PIK3CA: variants seen among roughly 807,000 people sequenced by gnomAD.
PIK3CA encodes the protein phosphatidylinositol-4,5-bisphosphate 3-kinase catalytic subunit alpha.
PIK3CA carries 27 observed loss-of-function variants against 138.2 expected under a neutral mutation model. The ratio of observed to expected loss-of-function variants is 0.20; its 90% confidence interval spans 0.14 to 0.27. The LOEUF (loss-of-function observed/expected upper bound fraction) is 0.27, where lower values mean the gene tolerates loss of function less well. PIK3CA is among the 10% of genes least tolerant of loss of function. The pLI is 1.00. For missense variants in PIK3CA, 544 were observed against 1,277.4 expected, an observed-to-expected ratio of 0.43 and a Z score of 8.75; for synonymous variants, 358 against 413.2, an observed-to-expected ratio of 0.87 and a Z score of 1.62.
intron 1 of PIK3CA, among the ~76,000 whole-genome samples, chr3:179,172,621 T>C (rs554842691): frequency 8.5e-5 from 13 of 152,152 alleles, no homozygotes; most frequent in Admixed American, 4.6e-4. Context: ...AAAAACCATT[T>C]ACAGTAGTAT....
At chr3:179,153,336 A>G (rs1486963762) in intron 1 of PIK3CA, among the ~76,000 whole-genome samples, 3 of 152,200 alleles carry the variant, frequency 2.0e-5, no homozygotes, top group Non-Finnish European at 4.4e-5. Context: ...CTTACACAGA[A>G]TGTAATACAG....
chr3:179,219,789 A>G lies in PIK3CA; in HGVS notation c.1911+54A>G. 1.3e-5 allele frequency: 18 copies of G among 1,421,346 alleles called. No individual in the cohort carries two copies. Among genetic ancestry groups the G allele is most frequent in the Non-Finnish European group, 1.7e-5 (18 of 1,038,254 alleles). The allele number at this position is 1,421,346 out of a possible 1,614,324, so 88.0% of individuals were successfully genotyped here. The stretch of plus-strand genomic sequence containing the variant: ...TTTAATTACAATAATAATTTATTCT[A>G]GATCCATACAACTTCCTTTTAAAAA... On this transcript the variant is annotated intron_variant, in intron 12 of 20. Transcript: ENST00000263967. The surrounding 1 kb of genome is among the most constrained non-coding windows in gnomAD (Gnocchi z 4.2).
At chr3:179,178,915 T>C (rs1371287758) in intron 1 of PIK3CA, among the ~76,000 whole-genome samples, 1 of 152,226 alleles carries the variant, frequency 6.6e-6, no homozygotes, top group East Asian at 1.9e-4. Context: ...CCAGGGCTTT[T>C]ACCGGGGTCT....
chr3:179,203,889 G>A (rs1724488454), intron 5 of PIK3CA, 100 bp downstream of exon 5: 1 of 812,708 alleles, frequency 1.2e-6, no homozygotes, highest in East Asian at 2.6e-5. Context: ...TATGTTTTCA[G>A]ATGGTTAGGA....
chr3:179,215,914 T>C (rs1242220385), intron 9 of PIK3CA, among the ~76,000 whole-genome samples: 2 of 152,114 alleles, frequency 1.3e-5, no homozygotes, highest in African/African-American at 4.8e-5. Context: ...GCCAAATAAT[T>C]CTTTGTTGTA....
intron 1 of PIK3CA, among the ~76,000 whole-genome samples, chr3:179,166,595 A>G (rs1233756258): frequency 2.0e-5 from 3 of 152,324 alleles, no homozygotes; most frequent in East Asian, 3.8e-4. Context: ...TTTCTCTTGC[A>G]GAAAGCATGT....
intron 1 of PIK3CA, among the ~76,000 whole-genome samples, chr3:179,159,890 C>T (rs1453601578): frequency 1.3e-5 from 2 of 152,036 alleles, no homozygotes; most frequent in Non-Finnish European, 2.9e-5. Context: ...GAAAATGTAA[C>T]ACAGTGGTAT....
In PIK3CA at chr3:179,236,341, G is replaced by A. The variant is rs1725333154; in HGVS notation, c.*1977G>A. 1 of 210,108 alleles carries A rather than the reference G, an allele frequency of 4.8e-6. No homozygotes were observed. The highest frequency in any genetic ancestry group is 9.7e-6 in the Non-Finnish European group (1 of 103,616). The allele number at this position is 210,108 out of a possible 1,614,324, so 13.0% of individuals were successfully genotyped here. A position where few individuals can be genotyped will look rare whatever the true frequency, so the allele number is the denominator to read the frequency against. On this transcript the variant is annotated 3_prime_UTR_variant, in exon 21 of 21. Transcript: ENST00000263967. ...CAGAATTTAAACTCTGTTTTAAGCA[G>A]GAAACCAGAAAGATTATTTTGCAGT... is the stretch of plus-strand genomic sequence containing the variant.
chr3:179,184,461 C>T (rs1230058121), intron 1 of PIK3CA, among the ~76,000 whole-genome samples: 4 of 152,182 alleles, frequency 2.6e-5, no homozygotes, highest in Non-Finnish European at 5.9e-5. Flanking sequence ...CATGATGAAG[C>T]TTTATCATTA....
intron 1 of PIK3CA, among the ~76,000 whole-genome samples, chr3:179,179,356 C>A (rs11716811): frequency 0.039 from 5,909 of 152,294 alleles, 168 homozygotes; most frequent in Middle Eastern, 0.071. Context: ...TTGCACTCTT[C>A]TCATTCTGTA....
chr3:179,170,076 G>GTGCA, intron 1 of PIK3CA, among the ~76,000 whole-genome samples: 1 of 139,292 alleles, frequency 7.2e-6, no homozygotes, highest in African/African-American at 3.0e-5. Context: ...ACGCGCGCGC[G>GTGCA]CACACACACA....
chr3:179,184,093 T>C (rs1273469233), intron 1 of PIK3CA, among the ~76,000 whole-genome samples: 3 of 152,298 alleles, frequency 2.0e-5, no homozygotes, highest in South Asian at 2.1e-4. Flanking sequence ...CTGTGCAAAA[T>C]TGATAGACAC....
At chr3:179,196,552 T>C (rs989635219) in intron 1 of PIK3CA, among the ~76,000 whole-genome samples, 3 of 152,240 alleles carry the variant, frequency 2.0e-5, no homozygotes, top group African/African-American at 7.2e-5. Flanking sequence ...AAAAATAGTT[T>C]CAACTATCAA....
rs200472352 is a variant in PIK3CA, at chr3:179,229,224, A to G, written c.2496-48A>G. 37 of 1,459,996 alleles carry G rather than the reference A, an allele frequency of 2.5e-5. No individual in the cohort carries two copies. In the African/African-American group the frequency reaches 2.8e-4, roughly 11 times the overall value. The allele number at this position is 1,459,996 out of a possible 1,614,324, so 90.4% of individuals were successfully genotyped here. Reference sequence around the variant, plus strand: ...GTTTTAGCCTGTTAAAACATTTGCTATTTTAAAATTCCATCATTTAATTGT... The same window carrying G: ...GTTTTAGCCTGTTAAAACATTTGCTGTTTTAAAATTCCATCATTTAATTGT... On this transcript the variant is annotated intron_variant, in intron 17 of 20. Coordinates refer to ENST00000263967, the MANE Select transcript of PIK3CA (RefSeq NM_006218.4).
intron 2 of PIK3CA, 25 bp from the exon 3 acceptor site, chr3:179,199,665 T>C (rs200921565): frequency 3.3e-5 from 50 of 1,498,038 alleles, no homozygotes; most frequent in Middle Eastern, 1.7e-4. Flanking sequence ...TAGAATGTTA[T>C]ATTCTTTATG....
intron 1 of PIK3CA, among the ~76,000 whole-genome samples, chr3:179,159,069 A>T (rs1447992243): frequency 1.3e-5 from 2 of 151,776 alleles, no homozygotes; most frequent in Non-Finnish European, 2.9e-5. Flanking sequence ...AAAAAACTAC[A>T]TATGTTGTTG....
intron 17 of PIK3CA, among the ~76,000 whole-genome samples, chr3:179,227,865 T>C (rs1238250526): frequency 2.6e-5 from 4 of 152,082 alleles, no homozygotes; most frequent in Admixed American, 2.0e-4. Context: ...TCTATGTGAA[T>C]AAATGAGAGG....
intron 1 of PIK3CA, among the ~76,000 whole-genome samples, chr3:179,175,201 A>AT (rs1307866777): frequency 6.6e-6 from 1 of 152,082 alleles, no homozygotes; most frequent in Non-Finnish European, 1.5e-5. Context: ...CTGGGAGGTA[A>AT]TTTTTTTGAG....
chr3:179,204,347 C>T (rs1193617434), intron 5 of PIK3CA, among the ~76,000 whole-genome samples, 156 bp from the exon 6 acceptor site: 1 of 152,120 alleles, frequency 6.6e-6, no homozygotes, highest in Non-Finnish European at 1.5e-5. Flanking sequence ...TTGGTGAAGA[C>T]TCTACATCAG....
Sources: allele counts gnomAD v4.1 joint callset (sites outside exome capture counted in the v4.1 genomes callset), GRCh38; gene constraint gnomAD v4.1.1; non-coding constraint Gnocchi (gnomAD v3.1); transcripts MANE v1.5; gene names NCBI Gene and HGNC (gene_info 2026-07-23, HGNC 2026-07-21).